HMCN1: variants seen among roughly 807,000 people sequenced by gnomAD.
HMCN1 encodes hemicentin 1, also known as hemicentin-1.
HMCN1 carries 321 observed loss-of-function variants against 625.9 expected under a neutral mutation model. The ratio of observed to expected loss-of-function variants is 0.51; its 90% CI spans 0.47 to 0.56. The LOEUF (loss-of-function observed/expected upper bound fraction) is 0.56. Among genes scored for constraint, HMCN1 ranks in the 20% least tolerant of loss-of-function variants. The pLI is 0.00. For missense variants in HMCN1, 6,588 were observed against 6,887.3 expected, an observed-to-expected ratio of 0.96 and a Z score of 1.54; for synonymous variants, 2,425 against 2,417.6, an observed-to-expected ratio of 1.00 and a Z score of -0.09.
At chr1:186,054,151 C>T (rs1244956642) in intron 44 of HMCN1, among the ~76,000 whole-genome samples, 165 bp downstream of exon 44, 1 of 152,034 alleles carries the variant, frequency 6.6e-6, no homozygotes, top group African/African-American at 2.4e-5. Context: ...AGAGCAATTA[C>T]TTCCTTCTGG....
intron 1 of HMCN1, among the ~76,000 whole-genome samples, chr1:185,794,603 T>A (rs1448831028): frequency 8.6e-4 from 75 of 87,634 alleles, no homozygotes; most frequent in Non-Finnish European, 1.8e-3. Context: ...CTTTACACAT[T>A]TTTTTTTTTT....
At position 186,039,000 on chromosome 1, in the gene HMCN1, T is replaced by C. The variant is rs769177930; in HGVS notation, c.6023T>C (p.Val2008Ala). Residue 2008 changes from valine to alanine, a missense_variant, in exon 38 of 107, where the codon GTT becomes GCT. By Grantham distance (64) the Val-to-Ala change is moderately conservative. Coordinates refer to ENST00000271588, the MANE Select transcript of HMCN1 (RefSeq NM_031935.3). ...ACAGAGTTATTTTACAGTCTGCAAG[T>C]TCATGGTTAGTGCCACTTCACCTAG... ...GATELFYSLQ[V>A]HVAPSISGSN... 6.2e-7 allele frequency: 1 copy of C among 1,607,774 alleles called. No homozygotes were observed. The highest frequency in any genetic ancestry group is 8.5e-7 in the Non-Finnish European group (1 of 1,174,326).
At chr1:186,122,795 T>C (rs1661455642) in intron 80 of HMCN1, among the ~76,000 whole-genome samples, 156 bp from the exon 81 acceptor site, 1 of 152,194 alleles carries the variant, frequency 6.6e-6, no homozygotes, top group East Asian at 1.9e-4. Context: ...TAATTTTTTG[T>C]TCCCATGAAA....
At chr1:185,934,160 A>G (rs564985049) in intron 11 of HMCN1, among the ~76,000 whole-genome samples, 1 of 152,290 alleles carries the variant, frequency 6.6e-6, no homozygotes, top group South Asian at 2.1e-4. Context: ...TTTTATTAAT[A>G]ATTGGTCAAA....
chr1:186,052,837 A>G (rs982804646), intron 42 of HMCN1, 115 bp from the exon 43 acceptor site: 38 of 888,046 alleles, frequency 4.3e-5, no homozygotes, highest in Non-Finnish European at 5.8e-5. Flanking sequence ...TGTCAACCTC[A>G]TATGACAATT....
chr1:186,167,157 T>C (rs7549613), intron 100 of HMCN1, among the ~76,000 whole-genome samples: 57,595 of 152,078 alleles, frequency 0.38, 11,610 homozygotes, highest in African/African-American at 0.5. Context: ...TTCATAAGCT[T>C]TTATTCAGAT....
chr1:185,868,858 C>T (rs1298397695), intron 4 of HMCN1, among the ~76,000 whole-genome samples: 3 of 151,962 alleles, frequency 2.0e-5, no homozygotes, highest in South Asian at 2.1e-4. Context: ...AAACTTAACC[C>T]ACTGGCTTGT....
At position 186,077,796 on chromosome 1, in the gene HMCN1, A is replaced by G. The variant is rs1053705188; in HGVS notation, c.8486-311A>G. On this transcript the variant is annotated intron_variant, in intron 54 of 106. Transcript: ENST00000271588. Reference sequence around the variant, plus strand: ...TATTAAAAGTGTTCAAAACTATAAAAGCAAGGAGTCACTATATAGTAACAT... The same window carrying G: ...TATTAAAAGTGTTCAAAACTATAAAGGCAAGGAGTCACTATATAGTAACAT... Among the ~76,000 whole-genome samples the G allele has an allele frequency of 3.9e-5, 6 of 152,212 alleles. No homozygotes were observed. In the South Asian group the frequency reaches 1.2e-3, roughly 32 times the overall value.
chr1:186,085,946 C>T (rs960406623), intron 57 of HMCN1, among the ~76,000 whole-genome samples: 2 of 152,072 alleles, frequency 1.3e-5, no homozygotes, highest in Non-Finnish European at 2.9e-5. Flanking sequence ...TAATAAAAAG[C>T]ACATTAGGTC....
At chr1:185,785,552 T>C (rs1013340283) in intron 1 of HMCN1, among the ~76,000 whole-genome samples, 3 of 152,204 alleles carry the variant, frequency 2.0e-5, no homozygotes, top group Non-Finnish European at 4.4e-5. Flanking sequence ...ACAGACAAAA[T>C]ATTGAAAATT....
chr1:185,785,886 G>T (rs1401063450), intron 1 of HMCN1, among the ~76,000 whole-genome samples: 1 of 152,146 alleles, frequency 6.6e-6, no homozygotes, highest in African/African-American at 2.4e-5. Context: ...TCGCTTAGGG[G>T]ACTTTGAGTG....
intron 102 of HMCN1, among the ~76,000 whole-genome samples, chr1:186,174,257 GAGA>G (rs1652423542): frequency 6.6e-6 from 1 of 152,146 alleles, no homozygotes; most frequent in African/African-American, 2.4e-5. Context: ...AAGGGATATA[GAGA>G]AGGAGAAAAA....
chr1:185,809,005 A>G (rs1393674508), intron 1 of HMCN1, among the ~76,000 whole-genome samples: 2 of 152,170 alleles, frequency 1.3e-5, no homozygotes, highest in Non-Finnish European at 2.9e-5. Flanking sequence ...TCCAGAGCCA[A>G]AGGATCCAAA....
chr1:186,172,844 G>A (rs758637497), intron 102 of HMCN1, among the ~76,000 whole-genome samples: 8 of 152,112 alleles, frequency 5.3e-5, no homozygotes, highest in Non-Finnish European at 8.8e-5. Context: ...TATAATATGA[G>A]GAGAATGAAA....
intron 47 of HMCN1, 71 bp from the exon 48 acceptor site, chr1:186,062,443 T>C: frequency 1.1e-6 from 1 of 891,400 alleles, no homozygotes; most frequent in Non-Finnish European, 1.9e-6. Context: ...AATAAAACCA[T>C]ACATAAATAT....
chr1:186,086,814 TGATAGATAGATA>T (rs10523445), intron 58 of HMCN1, among the ~76,000 whole-genome samples: 2,821 of 73,630 alleles, frequency 0.038, 47 homozygotes, highest in South Asian at 0.061. Context: ...GATAGATAGA[TGATAGATAGATA>T]GATAGATAGA....
chr1:185,903,047 A>G (rs1665904414), intron 4 of HMCN1, among the ~76,000 whole-genome samples: 1 of 151,732 alleles, frequency 6.6e-6, no homozygotes, highest in Admixed American at 6.6e-5. Flanking sequence ...CTGTATTTGT[A>G]TTATTTTAAA....
At chr1:185,767,192 C>T (rs768952930) in intron 1 of HMCN1, among the ~76,000 whole-genome samples, 24 of 151,870 alleles carry the variant, frequency 1.6e-4, no homozygotes, top group African/African-American at 4.6e-4. Flanking sequence ...TCTAGATTGT[C>T]GATATATAAA....
intron 69 of HMCN1, among the ~76,000 whole-genome samples, chr1:186,104,561 T>C (rs1660525961): frequency 6.6e-6 from 1 of 152,192 alleles, no homozygotes; most frequent in African/African-American, 2.4e-5. Context: ...GTTGTGTTCA[T>C]CTCTGTGCTA....
Sources: allele counts gnomAD v4.1 joint callset (sites outside exome capture counted in the v4.1 genomes callset), GRCh38; gene constraint gnomAD v4.1.1; transcripts MANE v1.5; gene names NCBI Gene and HGNC (gene_info 2026-07-23, HGNC 2026-07-21).